ZNF407: variants seen among roughly 807,000 people sequenced by gnomAD.
The protein encoded by ZNF407 is zinc finger protein 407.
Under a neutral mutation model 131.2 loss-of-function variants are expected in ZNF407, and 17 were observed. The ratio of observed to expected loss-of-function variants is 0.13; its 90% CI spans 0.09 to 0.19. The LOEUF (loss-of-function observed/expected upper bound fraction) is 0.19. Among genes scored for constraint, ZNF407 ranks in the 10% least tolerant of loss-of-function variants. ZNF407 has a pLI of 1.00. For synonymous variants in ZNF407, 1,156 were observed against 1,062.0 expected (o/e 1.09, Z -1.72); for missense variants, 2,681 against 2,830.6 (o/e 0.95, Z 1.20).
chr18:75,028,073 T>C (rs939900085), intron 8 of ZNF407, among the ~76,000 whole-genome samples: 3 of 152,178 alleles, frequency 2.0e-5, no homozygotes, highest in Non-Finnish European at 4.4e-5. Flanking sequence ...ATTTTGAGTA[T>C]TTACTCATTC....
At chr18:75,062,017 C>A (rs1973640555) in intron 8 of ZNF407, 1 of 152,288 alleles carries the variant, frequency 6.6e-6, no homozygotes, top group Non-Finnish European at 1.5e-5. Flanking sequence ...AGCCCAGGTA[C>A]CTTAGTGCAG....
intron 4 of ZNF407, among the ~76,000 whole-genome samples, chr18:74,843,472 A>G (rs1970661828): frequency 1.3e-5 from 2 of 152,220 alleles, no homozygotes; most frequent in Admixed American, 1.3e-4. Context: ...TCCACACTTC[A>G]TCTTTACTTT....
At chr18:74,878,289 GA>G (rs1424767189) in intron 5 of ZNF407, among the ~76,000 whole-genome samples, 2 of 151,616 alleles carry the variant, frequency 1.3e-5, no homozygotes, top group East Asian at 1.9e-4. Flanking sequence ...TTGTTTCAGG[GA>G]AAAAAAATAA....
At chr18:75,002,421 T>A (rs1972856197) in intron 8 of ZNF407, among the ~76,000 whole-genome samples, 1 of 152,098 alleles carries the variant, frequency 6.6e-6, no homozygotes, top group South Asian at 2.1e-4. Context: ...CTGGAACATT[T>A]ACGTTCCAGT....
intron 4 of ZNF407, among the ~76,000 whole-genome samples, chr18:74,832,960 C>A (rs1276437621): frequency 4.6e-5 from 7 of 152,064 alleles, no homozygotes; most frequent in Non-Finnish European, 1.0e-4. Flanking sequence ...TAAGGAAAAG[C>A]AATAGGGCAG....
chr18:74,853,025 CTG>C (rs1599198218), intron 4 of ZNF407, among the ~76,000 whole-genome samples: 2 of 152,128 alleles, frequency 1.3e-5, no homozygotes, highest in South Asian at 4.1e-4. Flanking sequence ...GAACAAGAAA[CTG>C]TGGCTAGTTT....
chr18:74,724,186 AT>A, intron 3 of ZNF407, among the ~76,000 whole-genome samples: 1 of 152,148 alleles, frequency 6.6e-6, no homozygotes, highest in Non-Finnish European at 1.5e-5. Flanking sequence ...ATTTTATTTT[AT>A]TTTTTGTTCA....
At chr18:74,779,707 A>T (rs1006601508) in intron 3 of ZNF407, among the ~76,000 whole-genome samples, 2 of 152,124 alleles carry the variant, frequency 1.3e-5, no homozygotes, top group African/African-American at 4.8e-5. Context: ...TCCCTGTGCC[A>T]TGTAATATTT....
At chr18:75,011,563 G>A (rs1972974815) in intron 8 of ZNF407, among the ~76,000 whole-genome samples, 1 of 152,030 alleles carries the variant, frequency 6.6e-6, no homozygotes, top group South Asian at 2.1e-4. Flanking sequence ...AGTGATAAAA[G>A]TAAGTAGTAA....
At chr18:74,911,400 G>A (rs1283956239) in intron 7 of ZNF407, among the ~76,000 whole-genome samples, 1 of 152,210 alleles carries the variant, frequency 6.6e-6, no homozygotes, top group Non-Finnish European at 1.5e-5. Flanking sequence ...TGTGTTAACT[G>A]TATAGATTCC....
intron 8 of ZNF407, among the ~76,000 whole-genome samples, chr18:75,029,573 G>GTGTGCGTGTGTGTGTGCC (rs368198044): frequency 6.6e-6 from 1 of 151,978 alleles, no homozygotes; most frequent in Non-Finnish European, 1.5e-5. Flanking sequence ...GGCGGAGTGT[G>GTGTGCGTGTGTGTGTGCC]TGTGCGTGCG....
chr18:74,785,505 C>T (rs552925705), intron 4 of ZNF407, among the ~76,000 whole-genome samples: 1 of 152,270 alleles, frequency 6.6e-6, no homozygotes, highest in Admixed American at 6.5e-5. Flanking sequence ...TCTCAGAGCC[C>T]TGATGCTTAT....
At chr18:74,996,517 G>T (rs938939885) in intron 8 of ZNF407, among the ~76,000 whole-genome samples, 20 of 152,186 alleles carry the variant, frequency 1.3e-4, no homozygotes, top group African/African-American at 4.6e-4. Context: ...TTTAATAGTC[G>T]CAGATGCACA....
At chr18:74,937,242 A>G (rs1349872549) in intron 8 of ZNF407, among the ~76,000 whole-genome samples, 1 of 152,224 alleles carries the variant, frequency 6.6e-6, no homozygotes, top group African/African-American at 2.4e-5. Context: ...AATTGACCAT[A>G]TCATACATGG....
At chr18:75,025,795 A>G (rs1973164197) in intron 8 of ZNF407, among the ~76,000 whole-genome samples, 1 of 152,164 alleles carries the variant, frequency 6.6e-6, no homozygotes, top group South Asian at 2.1e-4. Flanking sequence ...TCACCCTTTG[A>G]ACGTAGTAAT....
chr18:74,975,510 G>A (rs1172365840), intron 8 of ZNF407, among the ~76,000 whole-genome samples: 1 of 152,080 alleles, frequency 6.6e-6, no homozygotes, highest in African/African-American at 2.4e-5. Flanking sequence ...TTGAGCTTTG[G>A]GGATTAAAAA....
At chr18:75,033,256 G>T (rs1045423365) in intron 8 of ZNF407, among the ~76,000 whole-genome samples, 2 of 144,634 alleles carry the variant, frequency 1.4e-5, no homozygotes, top group Non-Finnish European at 3.0e-5. Context: ...GGAATGGGGG[G>T]AAGATAGTAT....
In ZNF407 at chr18:74,920,699, G is replaced by A. The variant is rs371467636; in HGVS notation, c.5428+7G>A. ...CTCGCTTACCTGCATGCTGGTAAGG[G>A]ACAGAAACTGTGAAAACTTGTTTCT... On this transcript the variant is annotated splice_region_variant and intron_variant, in intron 8 of 8. Transcript: ENST00000299687. 213 of 1,587,464 alleles carry A rather than the reference G, an allele frequency of 1.3e-4. No homozygotes were observed. Among genetic ancestry groups the A allele is most frequent in the Non-Finnish European group, 6.6e-5 (77 of 1,159,632 alleles).
chr18:74,601,325 A>C (rs966647820), intron 1 of ZNF407, among the ~76,000 whole-genome samples: 2 of 95,160 alleles, frequency 2.1e-5, no homozygotes, highest in South Asian at 4.1e-4. Context: ...GTGTGTGTGT[A>C]TGTCTGTGTG....
Sources: gnomAD v4.1 joint callset for allele counts (sites outside exome capture counted in the v4.1 genomes callset) on GRCh38, gnomAD v4.1.1 for gene constraint, MANE v1.5 for transcripts, NCBI Gene and HGNC (gene_info 2026-07-23, HGNC 2026-07-21) for gene names.